PTPRD: variants seen among roughly 807,000 people sequenced by gnomAD.
PTPRD encodes the protein receptor-type tyrosine-protein phosphatase delta.
PTPRD carries 34 observed loss-of-function variants against 214.5 expected under a neutral mutation model. The observed-to-expected ratio is 0.16, with a 90% CI of 0.12 to 0.21. PTPRD has a LOEUF of 0.21. Ranked by LOEUF, PTPRD falls within the 10% of genes least tolerant of loss-of-function variation. The probability of loss-of-function intolerance (pLI) is 1.00; values close to 1 mark genes in which losing one functional copy is unlikely to be tolerated. For synonymous variants in PTPRD, 1,128 were observed against 845.7 expected (o/e 1.33, Z -5.79); for missense variants, 2,545 against 2,398.7 (o/e 1.06, Z -1.27).
At chr9:10,503,960 C>CA (rs779239731) in intron 2 of PTPRD, among the ~76,000 whole-genome samples, 1 of 150,578 alleles carries the variant, frequency 6.6e-6, no homozygotes, top group African/African-American at 2.4e-5. Flanking sequence ...ACTAAAAATA[C>CA]AAAAAATTAG....
At chr9:9,848,401 T>C (rs372898575) in intron 5 of PTPRD, among the ~76,000 whole-genome samples, 1 of 152,158 alleles carries the variant, frequency 6.6e-6, no homozygotes, top group African/African-American at 2.4e-5. Context: ...CGTAAAATGA[T>C]GGTAAATGCT....
At chr9:9,522,969 C>G (rs2097024683) in intron 8 of PTPRD, among the ~76,000 whole-genome samples, 1 of 152,112 alleles carries the variant, frequency 6.6e-6, no homozygotes, top group African/African-American at 2.4e-5. Context: ...GTCCGACCAT[C>G]TATCTATGGA....
chr9:9,775,162 T>C (rs1424772870), intron 5 of PTPRD, among the ~76,000 whole-genome samples: 1 of 152,220 alleles, frequency 6.6e-6, no homozygotes, highest in South Asian at 2.1e-4. Context: ...CATCAACTAA[T>C]TGCATTAATA....
At chr9:10,354,669 T>C (rs2097242251) in intron 2 of PTPRD, among the ~76,000 whole-genome samples, 1 of 152,218 alleles carries the variant, frequency 6.6e-6, no homozygotes, top group African/African-American at 2.4e-5. Context: ...TTATCTGTCA[T>C]ATTACTAGAA....
At chr9:10,330,785 C>T (rs1179484436) in intron 3 of PTPRD, among the ~76,000 whole-genome samples, 1 of 151,754 alleles carries the variant, frequency 6.6e-6, no homozygotes, top group African/African-American at 2.4e-5. Flanking sequence ...TTAATATAGG[C>T]AGAGGGCAGC....
chr9:8,836,659 C>T (rs2097430792), intron 11 of PTPRD, among the ~76,000 whole-genome samples: 5 of 129,768 alleles, frequency 3.9e-5, no homozygotes, highest in South Asian at 5.0e-4. Context: ...TGCAGTGGCA[C>T]GATCTCGGCT....
chr9:9,419,125 T>TTA (rs1555378556), intron 8 of PTPRD, among the ~76,000 whole-genome samples: 1 of 68,608 alleles, frequency 1.5e-5, no homozygotes, highest in African/African-American at 6.0e-5. Context: ...GATAGGCCCC[T>TTA]TATACACACA....
intron 39 of PTPRD, among the ~76,000 whole-genome samples, chr9:8,368,901 C>A (rs1420766524): frequency 6.6e-6 from 1 of 152,034 alleles, no homozygotes; most frequent in Non-Finnish European, 1.5e-5. Context: ...TTTTTCCTTA[C>A]CTTAAAATGT....
At chr9:9,145,837 G>T (rs1592381784) in intron 10 of PTPRD, among the ~76,000 whole-genome samples, 1 of 152,172 alleles carries the variant, frequency 6.6e-6, no homozygotes, top group African/African-American at 2.4e-5. Context: ...ATTCCCTCAG[G>T]CAAAAGATAC....
At position 8,340,480 on chromosome 9, in the gene PTPRD, G is replaced by C. The variant is rs777316115; in HGVS notation, c.5127-11C>G. 1.9e-6 allele frequency: 3 copies of C among 1,566,486 alleles called. 1 individual carries two copies. In the South Asian group the frequency reaches 3.5e-5, roughly 18 times the overall value. On this transcript the variant is annotated splice_polypyrimidine_tract_variant and intron_variant, in intron 41 of 45. Coordinates refer to ENST00000381196, the MANE Select transcript of PTPRD (RefSeq NM_002839.4). ...TAGGCTTTCTGTTGTCTGAATTACA[G>C]AGAATGAAAAGAATGTGTTAAAGTA...
At chr9:8,592,839 C>G (rs1175896306) in intron 14 of PTPRD, among the ~76,000 whole-genome samples, 1 of 152,192 alleles carries the variant, frequency 6.6e-6, no homozygotes, top group Non-Finnish European at 1.5e-5. Flanking sequence ...GAGAAGATAA[C>G]TAACTTTACT....
chr9:8,331,875 A>AACTT (rs1841591894), intron 43 of PTPRD, 139 bp from the exon 44 acceptor site: 1 of 994,008 alleles, frequency 1.0e-6, no homozygotes. Context: ...TTTAAATAGA[A>AACTT]ACTTAGTTAT....
rs887687765 is a variant in PTPRD at position 10,261,459 on chromosome 9, C to T, written c.-545+79504G>A. On this transcript the variant is annotated intron_variant, in intron 3 of 45. Transcript: ENST00000381196. The stretch of plus-strand genomic sequence containing the variant: ...ACATAGATACAGACAAAGAAAGATA[C>T]ATTATAACTTTGTAAAAGTAAAACA... 3.9e-5 allele frequency among the ~76,000 whole-genome samples: 6 copies of T among 152,036 alleles called. No individual in the cohort carries two copies. In the South Asian group the frequency reaches 1.2e-3, roughly 32 times the overall value.
chr9:10,292,438 C>T (rs1014094153), intron 3 of PTPRD, among the ~76,000 whole-genome samples: 2 of 151,984 alleles, frequency 1.3e-5, no homozygotes, highest in Non-Finnish European at 1.5e-5. Context: ...AATACCTTCT[C>T]ATTTCTCTTG....
intron 2 of PTPRD, among the ~76,000 whole-genome samples, chr9:10,572,387 G>T (rs769611466): frequency 1.1e-4 from 17 of 152,116 alleles, no homozygotes; most frequent in Non-Finnish European, 2.1e-4. Flanking sequence ...GTGCAGTATT[G>T]TTAAGTCATT....
At chr9:9,975,218 T>A (rs1447215149) in intron 4 of PTPRD, among the ~76,000 whole-genome samples, 2 of 152,158 alleles carry the variant, frequency 1.3e-5, no homozygotes, top group African/African-American at 4.8e-5. Context: ...TCTTACCATA[T>A]CCATGGACTC....
At chr9:9,944,522 T>C (rs75985559) in intron 4 of PTPRD, among the ~76,000 whole-genome samples, 21 of 152,068 alleles carry the variant, frequency 1.4e-4, no homozygotes, top group African/African-American at 7.3e-5. Flanking sequence ...AAGATTTTTT[T>C]AATATGGGAA....
intron 2 of PTPRD, among the ~76,000 whole-genome samples, chr9:10,365,292 TAGTA>T (rs1451159374): frequency 1.3e-5 from 2 of 152,160 alleles, no homozygotes; most frequent in East Asian, 3.8e-4. Flanking sequence ...CCAAACTACT[TAGTA>T]AGGCATACAA....
chr9:9,520,269 A>ATATATATATATATTAAGT (rs201332684), intron 8 of PTPRD, among the ~76,000 whole-genome samples: 3 of 146,484 alleles, frequency 2.0e-5, no homozygotes, highest in African/African-American at 4.9e-5. Context: ...TAAAAGTTAT[A>ATATATATATATATTAAGT]TATATATATA....
Sources: gnomAD v4.1 joint callset for allele counts (sites outside exome capture counted in the v4.1 genomes callset) on GRCh38, gnomAD v4.1.1 for gene constraint, MANE v1.5 for transcripts, NCBI Gene and HGNC (gene_info 2026-07-23, HGNC 2026-07-21) for gene names.